The following SLFN12L variants were observed in gnomAD, a reference collection of about 807,000 sequenced individuals.
The protein encoded by SLFN12L is schlafen family member 12 like, also known as schlafen family member 12-like.
In SLFN12L, 34 loss-of-function variants were observed where a neutral mutation model predicts 34.8. That is an observed-to-expected ratio of 0.98 (90% CI 0.74 to 1.30). The LOEUF is 1.30. Among genes scored for constraint, SLFN12L ranks in the 50% most tolerant of loss-of-function variants. The probability of loss-of-function intolerance (pLI) is 0.00; values close to 1 mark genes in which losing one functional copy is unlikely to be tolerated. For synonymous variants in SLFN12L, 259 were observed against 247.5 expected, an observed-to-expected ratio of 1.05 and a Z score of -0.44; for missense variants, 703 against 696.2, an observed-to-expected ratio of 1.01 and a Z score of -0.11.
At chr17:35,490,524 T>TA in intron 2 of SLFN12L, 1 of 885,080 alleles carries the variant, frequency 1.1e-6, no homozygotes. Context: ...AGAAGAAGTC[T>TA]AAAAATAACG....
At chr17:35,485,892 G>A (rs1343381183) in intron 2 of SLFN12L, among the ~76,000 whole-genome samples, 1 of 152,156 alleles carries the variant, frequency 6.6e-6, no homozygotes, top group African/African-American at 2.4e-5. Flanking sequence ...TTTGGTTACT[G>A]TAGCCTTGAA....
intron 4 of SLFN12L, among the ~76,000 whole-genome samples, chr17:35,476,481 G>A (rs949462891): frequency 7.5e-6 from 1 of 134,048 alleles, no homozygotes; most frequent in African/African-American, 3.0e-5. Flanking sequence ...AAGGAAGGAA[G>A]GAAGGAAGGA....
At chr17:35,504,280 C>G (rs780312372) in intron 2 of SLFN12L, among the ~76,000 whole-genome samples, 4 of 152,160 alleles carry the variant, frequency 2.6e-5, no homozygotes, top group East Asian at 1.9e-4. Context: ...TCTTGCCCCC[C>G]AGTAGAGAGT....
chr17:35,482,126 A>G (rs1404046505), intron 2 of SLFN12L, among the ~76,000 whole-genome samples: 2 of 152,222 alleles, frequency 1.3e-5, no homozygotes, highest in Admixed American at 6.5e-5. Flanking sequence ...TTGGCCTCCC[A>G]AAGTTTTGGG....
intron 2 of SLFN12L, among the ~76,000 whole-genome samples, chr17:35,494,133 G>C (rs1403747864): frequency 6.6e-6 from 1 of 152,086 alleles, no homozygotes; most frequent in Non-Finnish European, 1.5e-5. Context: ...TTGTAAAAAG[G>C]AAGTATTTCT....
In SLFN12L at chr17:35,468,882, G is replaced by T. The variant is rs1208061995; in HGVS notation, c.*6041C>A. On this transcript the variant is annotated 3_prime_UTR_variant, in exon 5 of 5. Transcript: ENST00000628453. ...CATATAAAAGTTAGCTGGGCATGGT[G>T]GTGTACACCTGTAGTCCCAGCTACT... Among the ~76,000 whole-genome samples the T allele has an allele frequency of 6.6e-6, 1 of 152,052 alleles. No individual in the cohort carries two copies. The highest frequency in any genetic ancestry group is 1.5e-5 in the Non-Finnish European group (1 of 68,010).
At chr17:35,529,222 T>C (rs1305369551) in intron 1 of SLFN12L, among the ~76,000 whole-genome samples, 2 of 152,134 alleles carry the variant, frequency 1.3e-5, no homozygotes, top group Admixed American at 1.3e-4. Context: ...TGTGGAGAAA[T>C]AGGAATGCTT....
chr17:35,490,942 C>T, intron 2 of SLFN12L: 1 of 787,544 alleles, frequency 1.3e-6, no homozygotes, highest in Non-Finnish European at 2.3e-6. Context: ...TCCTTAAACC[C>T]ACCTCGTTGG....
At chr17:35,475,945 G>GTA (rs370104542) in intron 4 of SLFN12L, among the ~76,000 whole-genome samples, 10,725 of 147,154 alleles carry the variant, frequency 0.073, 514 homozygotes, top group East Asian at 0.2. Flanking sequence ...TTATATATAT[G>GTA]TATATATATA....
intron 4 of SLFN12L, among the ~76,000 whole-genome samples, chr17:35,476,516 A>G (rs915373583): frequency 2.1e-5 from 3 of 140,674 alleles, no homozygotes; most frequent in African/African-American, 8.2e-5. Flanking sequence ...GAAGGAAGGA[A>G]GGAAAGAAGG....
chr17:35,476,973 CA>C (rs1227807774), intron 4 of SLFN12L, among the ~76,000 whole-genome samples: 1 of 152,146 alleles, frequency 6.6e-6, no homozygotes, highest in Non-Finnish European at 1.5e-5. Flanking sequence ...TTGGAGTCAT[CA>C]AAGAGGGACT....
intron 2 of SLFN12L, among the ~76,000 whole-genome samples, chr17:35,520,388 G>T (rs1597877819): frequency 6.6e-6 from 1 of 152,302 alleles, no homozygotes; most frequent in South Asian, 2.1e-4. Flanking sequence ...TGATGTGTAA[G>T]GTCTAATTGT....
At chr17:35,524,983 A>G (rs2072319667) in intron 1 of SLFN12L, among the ~76,000 whole-genome samples, 1 of 152,062 alleles carries the variant, frequency 6.6e-6, no homozygotes, top group South Asian at 2.1e-4. Flanking sequence ...CAAATTGCTA[A>G]CTAGAATAAC....
In SLFN12L at chr17:35,522,831, G is replaced by A. The variant is rs185317690; in HGVS notation, c.-467C>T. 99 of 1,306,550 alleles carry A rather than the reference G, an allele frequency of 7.6e-5. No individual in the cohort carries two copies. Among genetic ancestry groups the A allele is most frequent in the Admixed American group, 2.9e-4 (16 of 54,896 alleles). The allele number at this position is 1,306,550 out of a possible 1,614,324, so 80.9% of individuals were successfully genotyped here. The stretch of plus-strand genomic sequence containing the variant: ...CTTCTCCTGCAAATTCAGGTCCACA[G>A]CCTAGCTTCTAGAGAGGATCACAAT... On this transcript the variant is annotated 5_prime_UTR_variant, in exon 2 of 5. Coordinates refer to ENST00000628453, the MANE Select transcript of SLFN12L (RefSeq NM_001363830.2).
At chr17:35,506,870 T>C (rs1212605501) in intron 2 of SLFN12L, among the ~76,000 whole-genome samples, 1 of 152,306 alleles carries the variant, frequency 6.6e-6, no homozygotes, top group African/African-American at 2.4e-5. Context: ...CAATACTGTA[T>C]AGCAAGAGTG....
chr17:35,532,620 C>G (rs143459389), intron 1 of SLFN12L, among the ~76,000 whole-genome samples: 62 of 151,892 alleles, frequency 4.1e-4, no homozygotes, highest in African/African-American at 1.5e-3. Flanking sequence ...GGCCAGGCAC[C>G]GTGGCTCTCA....
At chr17:35,519,558 T>G (rs2142166574) in intron 2 of SLFN12L, among the ~76,000 whole-genome samples, 1 of 152,308 alleles carries the variant, frequency 6.6e-6, no homozygotes, top group African/African-American at 2.4e-5. Flanking sequence ...TTATGTATAA[T>G]AGCTACATCC....
At position 35,472,674 on chromosome 17, in the gene SLFN12L, G is replaced by A. The variant is rs1382287567; in HGVS notation, c.*2249C>T. Among the ~76,000 whole-genome samples the A allele has an allele frequency of 1.3e-5, 2 of 151,710 alleles. No homozygotes were observed. Among genetic ancestry groups the A allele is most frequent in the Non-Finnish European group, 3.0e-5 (2 of 67,746 alleles). ...ATTTAATTCTGATTTGATTCCATAT[G>A]AAATTCTGTGAAGAATGTCAATGGT... On this transcript the variant is annotated 3_prime_UTR_variant, in exon 5 of 5. Transcript: ENST00000628453.
chr17:35,490,224 G>A, intron 2 of SLFN12L: 1 of 1,575,616 alleles, frequency 6.3e-7, no homozygotes, highest in Non-Finnish European at 8.7e-7. Flanking sequence ...GCAAAGTGAA[G>A]TCTGGAGCTA....
Sources: allele counts gnomAD v4.1 joint callset (sites outside exome capture counted in the v4.1 genomes callset), GRCh38; gene constraint gnomAD v4.1.1; transcripts MANE v1.5; gene names NCBI Gene and HGNC (gene_info 2026-07-23, HGNC 2026-07-21).